The following THSD7B variants were observed in gnomAD, a reference collection of about 807,000 sequenced individuals.
The protein encoded by THSD7B is thrombospondin type 1 domain containing 7B.
In THSD7B, 138 loss-of-function variants were observed where a neutral mutation model predicts 213.6. The observed-to-expected ratio is 0.65, with a 90% CI of 0.56 to 0.74. THSD7B has a LOEUF of 0.74. Ranked by LOEUF, THSD7B falls within the 30% of genes least tolerant of loss-of-function variation. The pLI, the probability that THSD7B is intolerant of heterozygous loss-of-function variation, is 0.00. For missense variants in THSD7B, 1,931 were observed against 1,991.5 expected, an observed-to-expected ratio of 0.97 and a Z score of 0.58; for synonymous variants, 742 against 687.0, an observed-to-expected ratio of 1.08 and a Z score of -1.25.
chr2:136,926,224 C>A (rs999875740), intron 2 of THSD7B, among the ~76,000 whole-genome samples: 45 of 152,080 alleles, frequency 3.0e-4, no homozygotes, highest in African/African-American at 1.0e-3. Context: ...CATCTTTTCC[C>A]CTGGATTCTC....
In THSD7B at chr2:137,056,506, A is replaced by C. The variant is rs546067581; in HGVS notation, c.226A>C (p.Ser76Arg). ...VWCFHVDGWT[S>R]HLSNCGESNR... ...GTGTTTTCATGTTGACGGGTGGACA[A>C]GTCACCTGTCTAACTGTGGTGAGAG... Residue 76 changes from serine (S) to arginine (R), a missense_variant, in exon 3 of 28, where the codon AGT (serine) becomes CGT (arginine). Ser to Arg is a moderately radical substitution (Grantham distance 110). Coordinates refer to ENST00000409968, the MANE Select transcript of THSD7B (RefSeq NM_001316349.2). 6.2e-7 allele frequency: 1 copy of C among 1,613,956 alleles called. No homozygotes were observed. Among genetic ancestry groups the C allele is most frequent in the East Asian group, 2.2e-5 (1 of 44,866 alleles).
intron 2 of THSD7B, among the ~76,000 whole-genome samples, chr2:137,008,014 A>G (rs1414789866): frequency 3.3e-5 from 5 of 152,172 alleles, no homozygotes; most frequent in African/African-American, 1.2e-4. Context: ...AGCTATCCAG[A>G]TAAATTTGAT....
intron 1 of THSD7B, among the ~76,000 whole-genome samples, chr2:136,836,523 C>T (rs1478387255): frequency 6.6e-6 from 1 of 152,156 alleles, no homozygotes; most frequent in Non-Finnish European, 1.5e-5. Flanking sequence ...ACCTAACATC[C>T]TCCTAGGGAG....
intron 5 of THSD7B, among the ~76,000 whole-genome samples, chr2:137,127,932 CA>C (rs1688657839): frequency 6.6e-6 from 1 of 151,228 alleles, no homozygotes; most frequent in Admixed American, 6.6e-5. Context: ...CAAAACGAAA[CA>C]AAATAAAAAA....
At chr2:137,234,146 G>A (rs1175460281) in intron 9 of THSD7B, among the ~76,000 whole-genome samples, 1 of 152,228 alleles carries the variant, frequency 6.6e-6, no homozygotes, top group African/African-American at 2.4e-5. Flanking sequence ...GATTGATTCT[G>A]ATGCTCAGGA....
At chr2:137,625,858 C>T (rs1408627236) in intron 20 of THSD7B, among the ~76,000 whole-genome samples, 2 of 152,192 alleles carry the variant, frequency 1.3e-5, no homozygotes, top group East Asian at 3.9e-4. Context: ...TGTCTGAGTC[C>T]CAAGCTTTCT....
At chr2:137,661,356 C>T (rs890446318) in intron 25 of THSD7B, among the ~76,000 whole-genome samples, 5 of 151,962 alleles carry the variant, frequency 3.3e-5, no homozygotes, top group Non-Finnish European at 7.4e-5. Context: ...TGGGGTGACA[C>T]TCGAGTTATT....
chr2:137,267,117 T>C (rs1340263338), intron 10 of THSD7B, among the ~76,000 whole-genome samples: 1 of 152,228 alleles, frequency 6.6e-6, no homozygotes, highest in Non-Finnish European at 1.5e-5. Flanking sequence ...ATTCGTGTGC[T>C]TTCTGTGGTA....
At chr2:137,469,696 T>C (rs1219734380) in intron 15 of THSD7B, among the ~76,000 whole-genome samples, 1 of 152,130 alleles carries the variant, frequency 6.6e-6, no homozygotes, top group Non-Finnish European at 1.5e-5. Context: ...AACTTTAAAC[T>C]TTTTTCACAG....
intron 12 of THSD7B, among the ~76,000 whole-genome samples, chr2:137,332,271 A>T (rs11885250): frequency 4.1e-4 from 62 of 152,206 alleles, no homozygotes; most frequent in African/African-American, 1.4e-3. Flanking sequence ...TGGATGTGAG[A>T]CATGGAGTCA....
chr2:137,012,104 G>T (rs1686241440), intron 2 of THSD7B, among the ~76,000 whole-genome samples: 1 of 152,132 alleles, frequency 6.6e-6, no homozygotes, highest in Non-Finnish European at 1.5e-5. Flanking sequence ...AACACAAACA[G>T]TATAATCTTC....
chr2:137,495,266 T>A (rs1241208863), intron 15 of THSD7B, among the ~76,000 whole-genome samples: 2 of 152,178 alleles, frequency 1.3e-5, no homozygotes, highest in Non-Finnish European at 2.9e-5. Flanking sequence ...ATATTTCCTA[T>A]AGCCTGACAA....
At position 136,980,797 on chromosome 2, in the gene THSD7B, C is replaced by A. The variant is rs369229721; in HGVS notation, c.140-75623C>A. Among the ~76,000 whole-genome samples the A allele has an allele frequency of 7.9e-5, 12 of 152,282 alleles. No individual in the cohort carries two copies. In the East Asian group the frequency reaches 2.3e-3, roughly 29 times the overall value. ...CTTCTGATCTGAGGGTTGTACTAAT[C>A]TGTGGAAAATTCATGGTTTCCCTGG... is the stretch of plus-strand genomic sequence containing the variant. On this transcript the variant is annotated intron_variant, in intron 2 of 27. Coordinates refer to ENST00000409968, the MANE Select transcript of THSD7B (RefSeq NM_001316349.2).
At chr2:137,654,914 T>C (rs979240041) in intron 21 of THSD7B, among the ~76,000 whole-genome samples, 4 of 152,182 alleles carry the variant, frequency 2.6e-5, no homozygotes, top group African/African-American at 9.7e-5. Flanking sequence ...TAAGCTTCTG[T>C]TTCTGTGAGA....
chr2:137,443,214 T>C (rs1001438643), intron 14 of THSD7B, among the ~76,000 whole-genome samples: 1 of 152,116 alleles, frequency 6.6e-6, no homozygotes, highest in Non-Finnish European at 1.5e-5. Flanking sequence ...TAAGAACAAC[T>C]GAGATACCAT....
At chr2:137,534,018 GCACACA>G (rs1158544636) in intron 15 of THSD7B, among the ~76,000 whole-genome samples, 6,837 of 113,490 alleles carry the variant, frequency 0.06, 215 homozygotes, top group South Asian at 0.085. Flanking sequence ...GTGTGTGCGC[GCACACA>G]CACACACACA....
chr2:137,356,979 C>CAG (rs1685148154), intron 12 of THSD7B, among the ~76,000 whole-genome samples: 1 of 150,650 alleles, frequency 6.6e-6, no homozygotes, highest in South Asian at 2.1e-4. Context: ...CACACACACA[C>CAG]ACACACACAC....
intron 12 of THSD7B, among the ~76,000 whole-genome samples, chr2:137,276,265 C>T (rs575590844): frequency 1.4e-5 from 2 of 143,486 alleles, no homozygotes; most frequent in Non-Finnish European, 3.1e-5. Flanking sequence ...AATATCTGTT[C>T]TCGGTCATAG....
chr2:136,926,127 A>T (rs1373285499), intron 2 of THSD7B, among the ~76,000 whole-genome samples: 2 of 151,494 alleles, frequency 1.3e-5, no homozygotes, highest in Non-Finnish European at 2.9e-5. Context: ...ACCTTCATAG[A>T]CTCCTACCTG....
Sources: allele counts gnomAD v4.1 joint callset (sites outside exome capture counted in the v4.1 genomes callset), GRCh38; gene constraint gnomAD v4.1.1; transcripts MANE v1.5; gene names NCBI Gene and HGNC (gene_info 2026-07-23, HGNC 2026-07-21).